The following PRKCA variants were observed in gnomAD, a reference collection of about 807,000 sequenced individuals.
PRKCA encodes protein kinase C alpha, also known as protein kinase C alpha type.
PRKCA carries 27 observed loss-of-function variants against 87.0 expected under a neutral mutation model. That is an observed-to-expected ratio of 0.31 (90% CI 0.23 to 0.43). The LOEUF (loss-of-function observed/expected upper bound fraction) is 0.43, where lower values mean the gene tolerates loss of function less well. Ranked by LOEUF, PRKCA falls within the 20% of genes least tolerant of loss-of-function variation. The pLI, the probability that PRKCA is intolerant of heterozygous loss-of-function variation, is 1.00. For synonymous variants in PRKCA, 329 were observed against 311.1 expected, an observed-to-expected ratio of 1.06 and a Z score of -0.61; for missense variants, 518 against 852.3, an observed-to-expected ratio of 0.61 and a Z score of 4.88.
At chr17:66,688,542 C>T in intron 7 of PRKCA, 106 bp downstream of exon 7, 1 of 1,414,078 alleles carries the variant, frequency 7.1e-7, no homozygotes, top group Non-Finnish European at 9.7e-7. Flanking sequence ...GTGCCTCATG[C>T]TTGTAATCCC....
chr17:66,657,001 T>A (rs1971752242), intron 5 of PRKCA, among the ~76,000 whole-genome samples: 1 of 152,244 alleles, frequency 6.6e-6, no homozygotes, highest in Non-Finnish European at 1.5e-5. Flanking sequence ...CTCTGATTAT[T>A]GGCATCAAAA....
chr17:66,669,706 GC>G (rs1319184239), intron 5 of PRKCA, among the ~76,000 whole-genome samples: 4 of 152,146 alleles, frequency 2.6e-5, no homozygotes, highest in Non-Finnish European at 4.4e-5. Flanking sequence ...TTCAAGACCA[GC>G]CTGGGCAACA....
At chr17:66,445,528 A>C (rs916044099) in intron 2 of PRKCA, among the ~76,000 whole-genome samples, 1 of 152,212 alleles carries the variant, frequency 6.6e-6, no homozygotes, top group Non-Finnish European at 1.5e-5. Context: ...AGAACATCTA[A>C]TTAAGTCTGA....
chr17:66,617,791 G>T (rs1241211709), intron 3 of PRKCA, among the ~76,000 whole-genome samples: 3 of 152,162 alleles, frequency 2.0e-5, no homozygotes, highest in Admixed American at 2.0e-4. Flanking sequence ...GCACTTATAT[G>T]ACTATCTAGT....
chr17:66,775,047 C>G (rs1975015669), intron 14 of PRKCA: 1 of 985,418 alleles, frequency 1.0e-6, no homozygotes, highest in Admixed American at 6.1e-5. Flanking sequence ...CCTAAGACAT[C>G]CTTTATGACT....
intron 3 of PRKCA, among the ~76,000 whole-genome samples, chr17:66,533,705 CA>C (rs66936053): frequency 0.24 from 36,706 of 152,046 alleles, 5,330 homozygotes; most frequent in African/African-American, 0.39. Flanking sequence ...CTGCCGCCCC[CA>C]CTGGCCAGGC....
chr17:66,699,305 AAGAG>A (rs1973007095), intron 8 of PRKCA, among the ~76,000 whole-genome samples: 1 of 152,138 alleles, frequency 6.6e-6, no homozygotes, highest in African/African-American at 2.4e-5. Flanking sequence ...ACTAAGAAAA[AAGAG>A]AGAAGACCAA....
chr17:66,396,932 C>T (rs1339419604), intron 2 of PRKCA, among the ~76,000 whole-genome samples: 2 of 140,926 alleles, frequency 1.4e-5, no homozygotes, highest in Admixed American at 7.3e-5. Context: ...CTAGTAGAAG[C>T]AATCATTCAG....
At position 66,731,444 on chromosome 17, in the gene PRKCA, G is replaced by A. The variant is rs1490852642; in HGVS notation, c.919-1244G>A. 2.6e-5 allele frequency among the ~76,000 whole-genome samples: 4 copies of A among 151,904 alleles called. No individual in the cohort carries two copies. In the South Asian group the frequency reaches 6.3e-4, roughly 24 times the overall value. On this transcript the variant is annotated intron_variant, in intron 8 of 16. Transcript: ENST00000413366. ...TGTGGAGGTCTAGCCAGGGACCAGG[G>A]TCCTGGACCTGTCAGCAGCTGACGC...
chr17:66,619,639 T>A (rs1970617470), intron 3 of PRKCA, among the ~76,000 whole-genome samples: 1 of 152,208 alleles, frequency 6.6e-6, no homozygotes, highest in Non-Finnish European at 1.5e-5. Flanking sequence ...ATGGCAATGC[T>A]GTGCAAATTC....
At chr17:66,723,096 C>T (rs1467245718) in intron 8 of PRKCA, among the ~76,000 whole-genome samples, 2 of 152,172 alleles carry the variant, frequency 1.3e-5, no homozygotes, top group African/African-American at 4.8e-5. Flanking sequence ...CGGGGATGTG[C>T]CTCAACCTCA....
At chr17:66,458,657 T>A (rs1914692072) in intron 2 of PRKCA, among the ~76,000 whole-genome samples, 1 of 152,056 alleles carries the variant, frequency 6.6e-6, no homozygotes. Context: ...ATTTTTGTAT[T>A]TTTAGTAGAG....
chr17:66,681,136 G>A lies in PRKCA; in HGVS notation c.530-5975G>A, dbSNP rs536440025. ...TCCAGCTACTCAGGAGGCTGACGCA[G>A]GAGACTCACTTGAACCCGGGAGGCG... On this transcript the variant is annotated intron_variant, in intron 5 of 16. Transcript: ENST00000413366. Among the ~76,000 whole-genome samples, 13 of 152,262 alleles carry A rather than the reference G, an allele frequency of 8.5e-5. No individual in the cohort carries two copies. In the East Asian group the frequency reaches 2.5e-3, roughly 29 times the overall value.
chr17:66,612,509 A>G (rs1382599801), intron 3 of PRKCA, among the ~76,000 whole-genome samples: 1 of 152,164 alleles, frequency 6.6e-6, no homozygotes, highest in African/African-American at 2.4e-5. Context: ...TGGTAGTGGA[A>G]GAAACCTGAC....
intron 13 of PRKCA, among the ~76,000 whole-genome samples, chr17:66,765,418 C>CTATATATATATATATATATATA (rs58356468): frequency 2.0e-5 from 1 of 49,304 alleles, no homozygotes; most frequent in African/African-American, 7.5e-5. Flanking sequence ...AAGACTTTGT[C>CTATATATATATATATATATATA]TATATATATA....
chr17:66,323,959 A>G (rs1481293565), intron 2 of PRKCA, among the ~76,000 whole-genome samples: 1 of 152,078 alleles, frequency 6.6e-6, no homozygotes, highest in Non-Finnish European at 1.5e-5. Flanking sequence ...ATTGCTAATC[A>G]AATCGTTATA....
rs112157067 is a variant in PRKCA at position 66,306,917 on chromosome 17, G to A, written c.205+790G>A. ...GTCTATATTGTGTTTATTTAGTTCTGGTTCCATTTCCCATCTGGGCATAGA... is the reference window on the plus strand; with the variant it reads ...GTCTATATTGTGTTTATTTAGTTCTAGTTCCATTTCCCATCTGGGCATAGA... On this transcript the variant is annotated intron_variant, in intron 2 of 16. Coordinates refer to ENST00000413366, the MANE Select transcript of PRKCA (RefSeq NM_002737.3). Among the ~76,000 whole-genome samples the A allele has an allele frequency of 1.5e-3, 224 of 152,136 alleles. 1 individual carries two copies. Among genetic ancestry groups the A allele is most frequent in the Admixed American group, 7.0e-3 (107 of 15,270 alleles).
intron 2 of PRKCA, among the ~76,000 whole-genome samples, chr17:66,367,224 A>C (rs552374398): frequency 6.6e-6 from 1 of 152,344 alleles, no homozygotes; most frequent in Non-Finnish European, 1.5e-5. Context: ...GCTTTGTGGA[A>C]GTTGATGTTA....
chr17:66,456,434 C>A (rs1017040670), intron 2 of PRKCA, among the ~76,000 whole-genome samples: 1 of 152,194 alleles, frequency 6.6e-6, no homozygotes, highest in African/African-American at 2.4e-5. Flanking sequence ...AAGTTTTCTT[C>A]CCATCCAAGG....
Sources: gnomAD v4.1 joint callset for allele counts (sites outside exome capture counted in the v4.1 genomes callset) on GRCh38, gnomAD v4.1.1 for gene constraint, MANE v1.5 for transcripts, NCBI Gene and HGNC (gene_info 2026-07-23, HGNC 2026-07-21) for gene names.